Variants in SGCZ observed in about 807,000 individuals in gnomAD.
The protein encoded by SGCZ is zeta-sarcoglycan.
Under a neutral mutation model 41.3 loss-of-function variants are expected in SGCZ, and 40 were observed. The ratio of observed to expected loss-of-function variants is 0.97; its 90% CI spans 0.75 to 1.26. SGCZ has a LOEUF of 1.26. Ranked by LOEUF, SGCZ falls within the 50% of genes most tolerant of loss-of-function variation. SGCZ has a pLI of 0.00. For missense variants in SGCZ, 552 were observed against 369.8 expected, an observed-to-expected ratio of 1.49 and a Z score of -4.04; for synonymous variants, 206 against 137.5, an observed-to-expected ratio of 1.50 and a Z score of -3.49.
chr8:14,707,522 T>C (rs1809370870), intron 1 of SGCZ, among the ~76,000 whole-genome samples: 1 of 152,058 alleles, frequency 6.6e-6, no homozygotes, highest in Non-Finnish European at 1.5e-5. Flanking sequence ...CAAAAGAACC[T>C]CAAATCTACG....
At chr8:14,227,338 T>C (rs1206033670) in intron 4 of SGCZ, among the ~76,000 whole-genome samples, 1 of 152,072 alleles carries the variant, frequency 6.6e-6, no homozygotes, top group Non-Finnish European at 1.5e-5. Context: ...CTAATTCCTT[T>C]GGGAAGGGTA....
intron 1 of SGCZ, among the ~76,000 whole-genome samples, chr8:14,600,167 C>G (rs906643841): frequency 6.6e-6 from 1 of 152,042 alleles, no homozygotes; most frequent in Non-Finnish European, 1.5e-5. Context: ...CTTCTGGGCA[C>G]CACACTCTCT....
Position 15,237,615 on chromosome 8 carries a change from T to C in SGCZ, c.9A>G (p.Arg3=). Residue 3 remains arginine, a synonymous_variant, in exon 1 of 8, where the codon AGA becomes AGG. Transcript: ENST00000382080. The stretch of plus-strand genomic sequence containing the variant: ...GCTCCTCAATGTCCAGGTTCGTTGA[T>C]CTGTCCATGGAGCGCAACTAAACGA... MD[R]STNLDIEELK... The C allele has an allele frequency of 6.3e-7, 1 of 1,587,450 alleles. No individual in the cohort carries two copies. The highest frequency in any genetic ancestry group is 8.6e-7 in the Non-Finnish European group (1 of 1,164,938).
intron 1 of SGCZ, among the ~76,000 whole-genome samples, chr8:14,595,660 C>G (rs894504337): frequency 1.3e-5 from 2 of 152,134 alleles, no homozygotes; most frequent in African/African-American, 4.8e-5. Context: ...CATCAAAATG[C>G]TTCACGTCTA....
chr8:14,318,893 A>G (rs1801816772), intron 3 of SGCZ, among the ~76,000 whole-genome samples: 2 of 152,008 alleles, frequency 1.3e-5, no homozygotes, highest in Admixed American at 1.3e-4. Context: ...GTTATAAGAT[A>G]AAAGAAGATT....
intron 3 of SGCZ, among the ~76,000 whole-genome samples, chr8:14,253,266 G>GTA (rs1799350334): frequency 6.6e-6 from 1 of 151,728 alleles, no homozygotes; most frequent in Non-Finnish European, 1.5e-5. Context: ...GTGTGTGTGT[G>GTA]TGTGTGTATC....
At chr8:14,276,759 C>G (rs929536854) in intron 3 of SGCZ, among the ~76,000 whole-genome samples, 1 of 152,142 alleles carries the variant, frequency 6.6e-6, no homozygotes, top group African/African-American at 2.4e-5. Flanking sequence ...TTCTGTTTAA[C>G]TGGGGCAGGA....
At chr8:14,765,213 G>A (rs1585241384) in intron 1 of SGCZ, among the ~76,000 whole-genome samples, 1 of 152,080 alleles carries the variant, frequency 6.6e-6, no homozygotes, top group Non-Finnish European at 1.5e-5. Context: ...TCCCTCTCCA[G>A]TTATTTAATG....
intron 4 of SGCZ, among the ~76,000 whole-genome samples, chr8:14,237,186 T>C (rs1161381785): frequency 6.6e-6 from 1 of 152,138 alleles, no homozygotes; most frequent in African/African-American, 2.4e-5. Context: ...CATTTCATAA[T>C]TCAAGAGTAA....
intron 5 of SGCZ, among the ~76,000 whole-genome samples, chr8:14,135,631 G>A (rs781244328): frequency 2.0e-5 from 3 of 152,122 alleles, no homozygotes; most frequent in Non-Finnish European, 2.9e-5. Flanking sequence ...GAATAGTCCT[G>A]TAACTGTTAA....
At chr8:14,923,691 C>A (rs909819067) in intron 1 of SGCZ, among the ~76,000 whole-genome samples, 5 of 152,188 alleles carry the variant, frequency 3.3e-5, no homozygotes, top group Non-Finnish European at 7.3e-5. Context: ...CACAGGAGAA[C>A]AATTGTTGCT....
intron 1 of SGCZ, among the ~76,000 whole-genome samples, chr8:15,203,317 T>C (rs1563181854): frequency 6.6e-6 from 1 of 152,144 alleles, no homozygotes; most frequent in Non-Finnish European, 1.5e-5. Flanking sequence ...CTATTTCTCC[T>C]GGGATAACAA....
intron 3 of SGCZ, among the ~76,000 whole-genome samples, chr8:14,312,099 G>A (rs1423255525): frequency 6.6e-6 from 1 of 152,074 alleles, no homozygotes; most frequent in Non-Finnish European, 1.5e-5. Context: ...ATATCAAAGG[G>A]TCATGAAATC....
intron 4 of SGCZ, among the ~76,000 whole-genome samples, chr8:14,179,466 T>G (rs1490071417): frequency 6.6e-6 from 1 of 152,172 alleles, no homozygotes; most frequent in Non-Finnish European, 1.5e-5. Flanking sequence ...CAAGGGTTCC[T>G]GCACATCCCC....
intron 3 of SGCZ, among the ~76,000 whole-genome samples, chr8:14,270,846 C>A (rs971439235): frequency 7.2e-5 from 11 of 152,128 alleles, no homozygotes; most frequent in Non-Finnish European, 1.5e-4. Context: ...GGCACATATA[C>A]ACCATGGAAT....
At chr8:14,229,295 T>C (rs917873941) in intron 4 of SGCZ, among the ~76,000 whole-genome samples, 2 of 152,114 alleles carry the variant, frequency 1.3e-5, no homozygotes, top group Non-Finnish European at 2.9e-5. Flanking sequence ...ACTCCTTTGA[T>C]ACAACTTTTC....
chr8:14,108,258 A>G (rs1001320440), intron 5 of SGCZ, 23 bp from the exon 6 acceptor site: 1 of 1,608,728 alleles, frequency 6.2e-7, no homozygotes, highest in Non-Finnish European at 8.5e-7. Context: ...TGAATATAGC[A>G]GTCAGTATAA....
At chr8:14,633,584 T>C (rs1806729848) in intron 1 of SGCZ, among the ~76,000 whole-genome samples, 1 of 151,936 alleles carries the variant, frequency 6.6e-6, no homozygotes. Flanking sequence ...TACACAACTT[T>C]CTGGGTGTAG....
intron 1 of SGCZ, among the ~76,000 whole-genome samples, chr8:15,056,672 G>A (rs13278707): frequency 0.69 from 104,361 of 151,940 alleles, 36,696 homozygotes; most frequent in East Asian, 0.8. Context: ...TGCCATATTC[G>A]CAGCTGGCTA....
Sources: allele counts gnomAD v4.1 joint callset (sites outside exome capture counted in the v4.1 genomes callset), GRCh38; gene constraint gnomAD v4.1.1; transcripts MANE v1.5; gene names NCBI Gene and HGNC (gene_info 2026-07-23, HGNC 2026-07-21).